The following CERS3 variants were observed in gnomAD, a reference collection of about 807,000 sequenced individuals.
The protein encoded by CERS3 is LAG1 homolog, ceramide synthase 3.
Under a neutral mutation model 50.3 loss-of-function variants are expected in CERS3, and 33 were observed. The observed-to-expected ratio is 0.66, with a 90% CI of 0.50 to 0.88. The LOEUF (loss-of-function observed/expected upper bound fraction) is 0.88, where lower values mean the gene tolerates loss of function less well. Among genes scored for constraint, CERS3 ranks in the 40% least tolerant of loss-of-function variants. CERS3 has a pLI of 0.00. For synonymous variants in CERS3, 176 were observed against 155.2 expected, an observed-to-expected ratio of 1.13 and a Z score of -0.99; for missense variants, 470 against 460.3, an observed-to-expected ratio of 1.02 and a Z score of -0.19.
chr15:100,503,221 A>G (rs888360318), intron 2 of CERS3, among the ~76,000 whole-genome samples: 4 of 152,250 alleles, frequency 2.6e-5, no homozygotes, highest in African/African-American at 7.2e-5. Flanking sequence ...CAAGGCGCAC[A>G]TAGAAAACTA....
chr15:100,500,653 A>C (rs1279901838), intron 3 of CERS3: 1 of 152,236 alleles, frequency 6.6e-6, no homozygotes, highest in Non-Finnish European at 1.5e-5. Flanking sequence ...AAGTAGAATT[A>C]ACTGTCAGAA....
At chr15:100,437,596 C>T (rs904015896) in intron 11 of CERS3, among the ~76,000 whole-genome samples, 4 of 152,200 alleles carry the variant, frequency 2.6e-5, no homozygotes, top group African/African-American at 9.6e-5. Context: ...AACTGCCCGA[C>T]AACGACTCAT....
intron 11 of CERS3, among the ~76,000 whole-genome samples, chr15:100,419,642 C>T (rs1258230192): frequency 1.3e-5 from 2 of 150,982 alleles, no homozygotes; most frequent in Admixed American, 6.6e-5. Context: ...TTTTTCAGCA[C>T]CACACCACAC....
intron 1 of CERS3, among the ~76,000 whole-genome samples, chr15:100,537,837 A>C (rs922689432): frequency 2.0e-5 from 3 of 152,180 alleles, no homozygotes; most frequent in Admixed American, 6.5e-5. Context: ...GTCTTAATTC[A>C]TTCCAGCATT....
At chr15:100,467,296 GAAA>G (rs1360547209) in intron 10 of CERS3, among the ~76,000 whole-genome samples, 1 of 11,800 alleles carries the variant, frequency 8.5e-5, no homozygotes, top group Non-Finnish European at 4.1e-4. Context: ...AGAACCATGA[GAAA>G]TAATAATAAT....
At chr15:100,509,536 A>C (rs1438454472) in intron 2 of CERS3, among the ~76,000 whole-genome samples, 1 of 152,246 alleles carries the variant, frequency 6.6e-6, no homozygotes, top group Non-Finnish European at 1.5e-5. Context: ...CAAGGTGGGC[A>C]AACAAGTCAA....
chr15:100,542,279 T>C (rs1170373917), intron 1 of CERS3, among the ~76,000 whole-genome samples: 1 of 152,202 alleles, frequency 6.6e-6, no homozygotes, highest in Non-Finnish European at 1.5e-5. Flanking sequence ...AAAAGAAAAC[T>C]CTTGGACTGT....
chr15:100,514,264 G>T (rs117171182), intron 2 of CERS3, among the ~76,000 whole-genome samples: 2,038 of 152,282 alleles, frequency 0.013, 23 homozygotes, highest in East Asian at 0.029. Context: ...CCATGAAATT[G>T]CCCTTCTAAG....
chr15:100,488,188 T>C (rs1286707025), intron 4 of CERS3, among the ~76,000 whole-genome samples: 1 of 152,196 alleles, frequency 6.6e-6, no homozygotes, highest in Non-Finnish European at 1.5e-5. Context: ...TTAGGCCTCA[T>C]CAATACCATG....
intron 4 of CERS3, among the ~76,000 whole-genome samples, chr15:100,486,400 G>A (rs1468176680): frequency 6.6e-6 from 1 of 152,154 alleles, no homozygotes; most frequent in Non-Finnish European, 1.5e-5. Context: ...GACCCCCATG[G>A]AAAATGGGAT....
chr15:100,451,312 G>T (rs2034155955), intron 11 of CERS3, among the ~76,000 whole-genome samples: 1 of 152,176 alleles, frequency 6.6e-6, no homozygotes, highest in African/African-American at 2.4e-5. Flanking sequence ...AATGTAAACA[G>T]ATTAAACTTT....
chr15:100,480,051 C>G lies in CERS3; in HGVS notation c.408-5G>C, dbSNP rs369349694. The G allele has an allele frequency of 6.2e-7, 1 of 1,607,112 alleles. No homozygotes were observed. Among genetic ancestry groups the G allele is most frequent in the Admixed American group, 1.7e-5 (1 of 59,154 alleles). Reference sequence around the variant, plus strand: ...AAGTAAAATGCAAATCTCCAGCTGCCAAAAGAAAGAAAAATCTTTACTCCC... The same window carrying G: ...AAGTAAAATGCAAATCTCCAGCTGCGAAAAGAAAGAAAAATCTTTACTCCC... On this transcript the variant is annotated splice_polypyrimidine_tract_variant and splice_region_variant and intron_variant, in intron 5 of 11. Coordinates refer to ENST00000679737, the MANE Select transcript of CERS3 (RefSeq NM_001378789.1).
chr15:100,523,238 C>T (rs528726208), intron 1 of CERS3, among the ~76,000 whole-genome samples: 1 of 152,270 alleles, frequency 6.6e-6, no homozygotes, highest in African/African-American at 2.4e-5. Context: ...ACATGCATAA[C>T]AAGTCATGTT....
chr15:100,523,051 G>T (rs1305708311), intron 1 of CERS3, among the ~76,000 whole-genome samples: 1 of 152,202 alleles, frequency 6.6e-6, no homozygotes, highest in Non-Finnish European at 1.5e-5. Context: ...CTTCATTGCA[G>T]TTTTAATCTG....
chr15:100,438,862 G>C (rs1295810886), intron 11 of CERS3, among the ~76,000 whole-genome samples: 1 of 152,222 alleles, frequency 6.6e-6, no homozygotes, highest in Non-Finnish European at 1.5e-5. Flanking sequence ...CCAGGATCCA[G>C]GATGATATTT....
chr15:100,436,639 A>G (rs1018388634), intron 11 of CERS3, among the ~76,000 whole-genome samples: 3 of 152,110 alleles, frequency 2.0e-5, no homozygotes, highest in African/African-American at 7.2e-5. Context: ...AAAGTAAAAT[A>G]AATAAATAAA....
At chr15:100,502,481 T>G (rs1354135524) in intron 2 of CERS3, among the ~76,000 whole-genome samples, 2 of 152,160 alleles carry the variant, frequency 1.3e-5, no homozygotes, top group Admixed American at 6.5e-5. Flanking sequence ...TGTATGATTC[T>G]ATGGTATAAA....
intron 1 of CERS3, among the ~76,000 whole-genome samples, chr15:100,543,722 G>T (rs961923228): frequency 6.6e-6 from 1 of 152,050 alleles, no homozygotes; most frequent in Non-Finnish European, 1.5e-5. Flanking sequence ...TAGAGACGGG[G>T]TTTCACCATG....
At chr15:100,471,032 G>A (rs2034951957) in intron 9 of CERS3, among the ~76,000 whole-genome samples, 1 of 152,164 alleles carries the variant, frequency 6.6e-6, no homozygotes, top group African/African-American at 2.4e-5. Flanking sequence ...CACCCTGGGA[G>A]AACATCACAA....
Sources: allele counts gnomAD v4.1 joint callset (sites outside exome capture counted in the v4.1 genomes callset), GRCh38; gene constraint gnomAD v4.1.1; transcripts MANE v1.5; gene names NCBI Gene and HGNC (gene_info 2026-07-23, HGNC 2026-07-21).